The following SPAG16 variants were observed in gnomAD, a reference collection of about 807,000 sequenced individuals.
SPAG16 encodes the protein sperm-associated antigen 16 protein.
Under a neutral mutation model 80.4 loss-of-function variants are expected in SPAG16, and 86 were observed. The ratio of observed to expected loss-of-function variants is 1.07; its 90% CI spans 0.90 to 1.28. The LOEUF (loss-of-function observed/expected upper bound fraction) is 1.28. Among genes scored for constraint, SPAG16 ranks in the 50% most tolerant of loss-of-function variants. The pLI is 0.00. For missense variants in SPAG16, 870 were observed against 765.3 expected, an observed-to-expected ratio of 1.14 and a Z score of -1.61; for synonymous variants, 294 against 265.9, an observed-to-expected ratio of 1.11 and a Z score of -1.03.
At chr2:213,363,940 T>C (rs2066135456) in intron 7 of SPAG16, 136 bp from the exon 8 acceptor site, 1 of 326,024 alleles carries the variant, frequency 3.1e-6, no homozygotes, top group Non-Finnish European at 5.7e-6. Flanking sequence ...ATTTATGTTT[T>C]ATTAAAAAAG....
At chr2:213,834,134 G>T (rs2073953176) in intron 10 of SPAG16, among the ~76,000 whole-genome samples, 1 of 152,120 alleles carries the variant, frequency 6.6e-6, no homozygotes. Context: ...CACGTAGAAA[G>T]TGCCTTTCAC....
In SPAG16 at chr2:213,939,993, C is replaced by T. The variant is rs376000961; in HGVS notation, c.1400+9848C>T. On this transcript the variant is annotated intron_variant, in intron 12 of 15. Coordinates refer to ENST00000331683, the MANE Select transcript of SPAG16 (RefSeq NM_024532.5). ...AGTGACATAGTTGTTTTTCATATTT[C>T]GTTTCAATACATGTCCTAGTAAAAT... 8.5e-5 allele frequency among the ~76,000 whole-genome samples: 13 copies of T among 152,160 alleles called. 1 individual carries two copies. Among genetic ancestry groups the T allele is most frequent in the South Asian group, 8.3e-4 (4 of 4,822 alleles).
At chr2:214,165,908 TTAAAA>T (rs1219396045) in intron 15 of SPAG16, among the ~76,000 whole-genome samples, 1 of 152,052 alleles carries the variant, frequency 6.6e-6, no homozygotes. Context: ...GTGCTTAATG[TTAAAA>T]TAAAGAGGGC....
chr2:214,193,395 A>ATGTGTG (rs60839638), intron 15 of SPAG16, among the ~76,000 whole-genome samples: 154 of 124,394 alleles, frequency 1.2e-3, no homozygotes, highest in Middle Eastern at 4.3e-3. Flanking sequence ...GAGATCTTTT[A>ATGTGTG]TGTGTGTGTG....
chr2:214,410,331 G>A lies in SPAG16; in HGVS notation c.*16G>A, dbSNP rs766298524. 8 of 1,575,966 alleles carry A rather than the reference G, an allele frequency of 5.1e-6. No homozygotes were observed. In the East Asian group the frequency reaches 1.1e-4, roughly 22 times the overall value. On this transcript the variant is annotated 3_prime_UTR_variant, in exon 16 of 16. Transcript: ENST00000331683. ...GTGGTCTTGACCGTCAGCACATCCC[G>A]CTGCAGAGGGCATTCCCTTTAAGGC... is the stretch of plus-strand genomic sequence containing the variant.
At chr2:213,938,063 G>A (rs1042622604) in intron 12 of SPAG16, among the ~76,000 whole-genome samples, 13 of 151,730 alleles carry the variant, frequency 8.6e-5, no homozygotes, top group African/African-American at 3.1e-4. Context: ...GAAATAATTA[G>A]AATGAGTATA....
intron 15 of SPAG16, among the ~76,000 whole-genome samples, chr2:214,369,118 G>A (rs1699659558): frequency 6.6e-6 from 1 of 152,002 alleles, no homozygotes; most frequent in Admixed American, 6.6e-5. Context: ...GAGAATTCCA[G>A]TGGACAACTC....
intron 15 of SPAG16, among the ~76,000 whole-genome samples, chr2:214,193,063 C>G (rs1193651209): frequency 6.6e-6 from 1 of 152,030 alleles, no homozygotes; most frequent in Non-Finnish European, 1.5e-5. Flanking sequence ...TAGAGTTGTC[C>G]CATCTAGAGG....
At chr2:214,310,902 A>C (rs1695253832) in intron 15 of SPAG16, among the ~76,000 whole-genome samples, 1 of 151,890 alleles carries the variant, frequency 6.6e-6, no homozygotes, top group Admixed American at 6.6e-5. Context: ...TGATGCTGCC[A>C]CTCTGTGTAG....
chr2:213,324,882 C>G (rs147877780), intron 5 of SPAG16, among the ~76,000 whole-genome samples: 1 of 152,080 alleles, frequency 6.6e-6, no homozygotes, highest in African/African-American at 2.4e-5. Context: ...TCCAGTTGCT[C>G]CAAACAGCTA....
chr2:214,330,835 G>A (rs906908166), intron 15 of SPAG16, among the ~76,000 whole-genome samples: 6 of 152,158 alleles, frequency 3.9e-5, no homozygotes, highest in Non-Finnish European at 7.4e-5. Context: ...ATCAAGTGGG[G>A]TATCACAGCA....
intron 12 of SPAG16, among the ~76,000 whole-genome samples, chr2:213,976,137 C>T (rs10203460): frequency 0.49 from 44,656 of 91,664 alleles, 9,275 homozygotes; most frequent in Non-Finnish European, 0.61. Flanking sequence ...TATATATATA[C>T]ACACACACAC....
intron 10 of SPAG16, among the ~76,000 whole-genome samples, chr2:213,793,673 T>C (rs950884708): frequency 4.6e-5 from 7 of 152,200 alleles, no homozygotes; most frequent in Non-Finnish European, 1.0e-4. Flanking sequence ...AAAATGAAAT[T>C]CTCTAAAAGA....
Position 213,819,748 on chromosome 2 carries a change from T to G in SPAG16, c.1071-42737T>G, listed in dbSNP as rs116074009. Among the ~76,000 whole-genome samples, 1,366 of 151,932 alleles carry G rather than the reference T, an allele frequency of 9.0e-3. 24 individuals carry two copies. Among genetic ancestry groups the G allele is most frequent in the African/African-American group, 0.03 (1,236 of 41,454 alleles). On this transcript the variant is annotated intron_variant, in intron 10 of 15. Transcript: ENST00000331683. Reference sequence around the variant, plus strand: ...TTGTTGTTTTTTGTTTGATTGTTTGTTTGGTTGGTTGGTTGGTTTTTTTTT... The same window carrying G: ...TTGTTGTTTTTTGTTTGATTGTTTGGTTGGTTGGTTGGTTGGTTTTTTTTT...
chr2:214,147,017 ATT>A (rs58426025), intron 14 of SPAG16, among the ~76,000 whole-genome samples: 6 of 141,974 alleles, frequency 4.2e-5, no homozygotes, highest in Admixed American at 7.0e-5. Context: ...AAAAAAAAAA[ATT>A]TTCATATTCA....
At chr2:214,132,604 G>C (rs1266063265) in intron 14 of SPAG16, among the ~76,000 whole-genome samples, 4 of 152,134 alleles carry the variant, frequency 2.6e-5, no homozygotes, top group Admixed American at 2.6e-4. Context: ...TTGGAGCCAA[G>C]TTTTAAGAAT....
chr2:213,801,593 T>G (rs537572975), intron 10 of SPAG16, among the ~76,000 whole-genome samples: 1 of 152,262 alleles, frequency 6.6e-6, no homozygotes, highest in East Asian at 1.9e-4. Context: ...TGTGCTAAGG[T>G]TGATTTCAAA....
intron 10 of SPAG16, among the ~76,000 whole-genome samples, chr2:213,518,425 T>G (rs2075530272): frequency 1.3e-5 from 2 of 152,078 alleles, no homozygotes; most frequent in African/African-American, 2.4e-5. Flanking sequence ...TGAGGCAGGT[T>G]TTTTTTTCCT....
intron 10 of SPAG16, among the ~76,000 whole-genome samples, chr2:213,608,262 G>A (rs576804827): frequency 4.2e-4 from 64 of 152,228 alleles, no homozygotes; most frequent in African/African-American, 1.5e-3. Context: ...CCATGTTGGT[G>A]TGCTGCACCC....
Sources: gnomAD v4.1 joint callset for allele counts (sites outside exome capture counted in the v4.1 genomes callset) on GRCh38, gnomAD v4.1.1 for gene constraint, MANE v1.5 for transcripts, NCBI Gene and HGNC (gene_info 2026-07-23, HGNC 2026-07-21) for gene names.